PDE4D: variants seen among roughly 807,000 people sequenced by gnomAD.
PDE4D encodes 3',5'-cyclic-AMP phosphodiesterase 4D.
A neutral mutation model predicts 87.4 loss-of-function variants in PDE4D; 24 were observed. The observed-to-expected ratio is 0.27, with a 90% CI of 0.20 to 0.39. The LOEUF (loss-of-function observed/expected upper bound fraction) is 0.39. Ranked by LOEUF, PDE4D falls within the 10% of genes least tolerant of loss-of-function variation. PDE4D has a pLI of 1.00. For synonymous variants in PDE4D, 384 were observed against 383.2 expected (o/e 1.00, Z -0.02); for missense variants, 714 against 1,041.0 (o/e 0.69, Z 4.32).
chr5:59,261,693 T>C (rs1285544197), intron 1 of PDE4D, among the ~76,000 whole-genome samples: 1 of 151,834 alleles, frequency 6.6e-6, no homozygotes, highest in Non-Finnish European at 1.5e-5. Flanking sequence ...TGTTCTACTC[T>C]GTATATTTTA....
At chr5:59,770,846 G>A in intron 1 of PDE4D, among the ~76,000 whole-genome samples, 1 of 152,060 alleles carries the variant, frequency 6.6e-6, no homozygotes, top group Non-Finnish European at 1.5e-5. Context: ...TTAAAGATTA[G>A]CTTGGCCAGG....
chr5:59,793,480 C>G (rs1456691451), intron 1 of PDE4D, among the ~76,000 whole-genome samples: 1 of 152,200 alleles, frequency 6.6e-6, no homozygotes, highest in Non-Finnish European at 1.5e-5. Flanking sequence ...ACTCCTCTCA[C>G]CTCCAACTTC....
chr5:59,625,875 T>C (rs1410327767), intron 1 of PDE4D, among the ~76,000 whole-genome samples: 1 of 152,118 alleles, frequency 6.6e-6, no homozygotes, highest in Admixed American at 6.5e-5. Context: ...GATCAGGAGA[T>C]TGAGACCATC....
chr5:59,649,171 A>G (rs1742959510), intron 1 of PDE4D, among the ~76,000 whole-genome samples: 3 of 152,196 alleles, frequency 2.0e-5, no homozygotes, highest in Non-Finnish European at 2.9e-5. Flanking sequence ...TGAGGTGAAG[A>G]AAGGGAGAGG....
At chr5:60,126,563 T>A (rs1303800250) in intron 2 of PDE4D, among the ~76,000 whole-genome samples, 1 of 152,220 alleles carries the variant, frequency 6.6e-6, no homozygotes, top group African/African-American at 2.4e-5. Context: ...TCCTTCTAAA[T>A]AGCAACCTTA....
chr5:59,131,498 T>G (rs531309362), intron 5 of PDE4D, among the ~76,000 whole-genome samples: 12 of 152,180 alleles, frequency 7.9e-5, no homozygotes, highest in African/African-American at 2.9e-4. Context: ...ATGAATGACT[T>G]TATCATAATC....
rs370312209 is a variant in PDE4D, at chr5:60,166,156, A to C, written c.42+19401T>G. On this transcript the variant is annotated intron_variant, in intron 2 of 16. Transcript: ENST00000502484. ...GTCGCCCAGGCTGGAGTGCAGTGGCACGATCTCAGCTCCCTGCAAGCTCCA... is the reference window on the plus strand; with the variant it reads ...GTCGCCCAGGCTGGAGTGCAGTGGCCCGATCTCAGCTCCCTGCAAGCTCCA... 4.6e-5 allele frequency among the ~76,000 whole-genome samples: 7 copies of C among 152,290 alleles called. No individual in the cohort carries two copies. The East Asian group carries it at 9.6e-4, about 21-fold the overall frequency.
rs542796604 is a variant in PDE4D at position 60,116,811 on chromosome 5, A to G, written c.42+68746T>C. On this transcript the variant is annotated intron_variant, in intron 2 of 16. Coordinates refer to the PDE4D transcript ENST00000502484. ...AAAAATAATATATTATAATCAACTG[A>G]ACACCAGTTTGCATCTATCATGTTA... 5.9e-5 allele frequency among the ~76,000 whole-genome samples: 9 copies of G among 152,208 alleles called. No individual in the cohort carries two copies. In the South Asian group the frequency reaches 1.9e-3, roughly 32 times the overall value.
chr5:60,160,965 C>A (rs1782425394), intron 2 of PDE4D: 2 of 278,240 alleles, frequency 7.2e-6, no homozygotes, highest in Non-Finnish European at 1.4e-5. Context: ...GACCAGGTAA[C>A]ATTAGCCATC....
chr5:59,592,338 C>T (rs144219798), intron 1 of PDE4D, among the ~76,000 whole-genome samples: 3,682 of 152,244 alleles, frequency 0.024, 75 homozygotes, highest in Non-Finnish European at 0.035. Flanking sequence ...TTCATGAAGC[C>T]GCAGTTTCAG....
intron 5 of PDE4D, among the ~76,000 whole-genome samples, chr5:59,107,002 C>T (rs576191594): frequency 2.0e-5 from 3 of 152,102 alleles, no homozygotes; most frequent in Non-Finnish European, 2.9e-5. Flanking sequence ...TTATTTAGAG[C>T]TGTCATTTAA....
intron 1 of PDE4D, among the ~76,000 whole-genome samples, chr5:59,436,211 G>A (rs1218743733): frequency 6.6e-6 from 1 of 152,068 alleles, no homozygotes; most frequent in African/African-American, 2.4e-5. Flanking sequence ...ACACACAATG[G>A]CTACAGTCAG....
chr5:59,275,671 A>C (rs1304563433), intron 1 of PDE4D: 1 of 1,155,142 alleles, frequency 8.7e-7, no homozygotes, highest in Non-Finnish European at 1.1e-6. Context: ...TGCAATGCCA[A>C]GGGAGGAACT....
intron 1 of PDE4D, among the ~76,000 whole-genome samples, chr5:60,336,373 G>A (rs1388373891): frequency 6.6e-6 from 1 of 152,146 alleles, no homozygotes; most frequent in Admixed American, 6.5e-5. Context: ...TGGCTATCCT[G>A]AGAAATAGCA....
At chr5:59,652,659 C>A (rs1387927899) in intron 1 of PDE4D, among the ~76,000 whole-genome samples, 1 of 152,144 alleles carries the variant, frequency 6.6e-6, no homozygotes, top group East Asian at 1.9e-4. Flanking sequence ...TGAGAGATCT[C>A]AAGACTTTAT....
chr5:60,255,657 A>G (rs1223364892), intron 1 of PDE4D, among the ~76,000 whole-genome samples: 1 of 151,730 alleles, frequency 6.6e-6, no homozygotes, highest in Non-Finnish European at 1.5e-5. Context: ...ATACTTAATT[A>G]CTCTCTATCA....
At chr5:60,313,071 A>G (rs1755192511) in intron 1 of PDE4D, among the ~76,000 whole-genome samples, 1 of 152,172 alleles carries the variant, frequency 6.6e-6, no homozygotes, top group Non-Finnish European at 1.5e-5. Context: ...GAAATAACCA[A>G]AATCAGAACA....
chr5:60,224,945 T>C lies in PDE4D; in HGVS notation c.-89-39258A>G, dbSNP rs76829110. 4.2e-3 allele frequency among the ~76,000 whole-genome samples: 642 copies of C among 152,118 alleles called. 3 individuals carry two copies. The highest frequency in any genetic ancestry group is 6.7e-3 in the Non-Finnish European group (457 of 67,952). ...GGCTTTCTTGGCCCAAGATACCACA[T>C]CATGCTGTATTATAGCATCACCCCT... On this transcript the variant is annotated intron_variant, in intron 1 of 16. Transcript: ENST00000502484.
chr5:59,634,817 A>G (rs1253936655), intron 1 of PDE4D, among the ~76,000 whole-genome samples: 1 of 152,208 alleles, frequency 6.6e-6, no homozygotes, highest in Non-Finnish European at 1.5e-5. Context: ...TAACATCACA[A>G]TTAAAAGAAC....
Sources: gnomAD v4.1 joint callset for allele counts (sites outside exome capture counted in the v4.1 genomes callset) on GRCh38, gnomAD v4.1.1 for gene constraint, MANE v1.5 for transcripts, NCBI Gene and HGNC (gene_info 2026-07-23, HGNC 2026-07-21) for gene names.